FAM228B: variants seen among roughly 807,000 people sequenced by gnomAD.
FAM228B encodes the protein family with sequence similarity 228 member B.
FAM228B carries 38 observed loss-of-function variants against 42.6 expected under a neutral mutation model. The ratio of observed to expected loss-of-function variants is 0.89; its 90% confidence interval spans 0.69 to 1.17. FAM228B has a LOEUF of 1.17. Among genes scored for constraint, FAM228B ranks in the 50% most tolerant of loss-of-function variants. The pLI is 0.00. For synonymous variants in FAM228B, 109 were observed against 122.3 expected (o/e 0.89, Z 0.72); for missense variants, 344 against 367.3 (o/e 0.94, Z 0.52).
At position 24,080,899 on chromosome 2, in the gene FAM228B, A is replaced by G; in HGVS notation, c.-266A>G. 6.2e-7 allele frequency: 1 copy of G among 1,614,188 alleles called. No individual in the cohort carries two copies. Among genetic ancestry groups the G allele is most frequent in the Non-Finnish European group, 8.5e-7 (1 of 1,180,034 alleles). On this transcript the variant is annotated 5_prime_UTR_variant, in exon 2 of 11. Coordinates refer to the FAM228B transcript ENST00000613899. The surrounding 1 kb of genome is among the most constrained non-coding windows in gnomAD (Gnocchi z 4.7). ...AGCAGCTGCTCCAAGCTTTTCTGCCATTTGAAGCTTCTTCTGGGAGCCAGC... is the reference window on the plus strand; with the variant it reads ...AGCAGCTGCTCCAAGCTTTTCTGCCGTTTGAAGCTTCTTCTGGGAGCCAGC...
intron 7 of FAM228B, among the ~76,000 whole-genome samples, chr2:24,151,294 T>G (rs937918464): frequency 2.1e-5 from 3 of 146,036 alleles, no homozygotes; most frequent in South Asian, 2.2e-4. Context: ...TTGTTTTTTG[T>G]TTTTTTTTTT....
At chr2:24,100,236 A>G (rs12713195) in intron 3 of FAM228B, among the ~76,000 whole-genome samples, 18,078 of 152,236 alleles carry the variant, frequency 0.12, 1,239 homozygotes, top group South Asian at 0.18. Flanking sequence ...AAACACCAAA[A>G]GCAATGGCAA....
At chr2:24,079,564 A>T (rs760507767) in intron 1 of FAM228B, 1 of 1,614,046 alleles carries the variant, frequency 6.2e-7, no homozygotes, top group Admixed American at 1.7e-5. Flanking sequence ...CCCATCGACC[A>T]TCAAGAGCCA....
At chr2:24,117,315 T>C (rs1268684777) in intron 3 of FAM228B, among the ~76,000 whole-genome samples, 3 of 151,842 alleles carry the variant, frequency 2.0e-5, no homozygotes, top group Non-Finnish European at 4.4e-5. Flanking sequence ...TGCACAAACC[T>C]GATTAATTTG....
At chr2:24,118,035 C>A (rs184943709) in intron 3 of FAM228B, among the ~76,000 whole-genome samples, 1 of 152,298 alleles carries the variant, frequency 6.6e-6, no homozygotes, top group Admixed American at 6.5e-5. Flanking sequence ...GAATACTAAC[C>A]TTTAGTGCCA....
At chr2:24,122,673 G>T (rs989335628), upstream of FAM228B, 3 of 615,986 alleles carry the variant, frequency 4.9e-6, no homozygotes, top group Non-Finnish European at 8.6e-6. Context: ...AAAGGTACAG[G>T]GTGAAAACGG....
At chr2:24,121,300 C>A (rs188094111), upstream of FAM228B, 1,186 of 1,614,072 alleles carry the variant, frequency 7.3e-4, 8 homozygotes, top group Non-Finnish European at 1.4e-4. Flanking sequence ...CTGGGCGTTA[C>A]CTGGAGAGGT....
At chr2:24,089,272 G>A (rs1665332456) in intron 2 of FAM228B, among the ~76,000 whole-genome samples, 2 of 152,092 alleles carry the variant, frequency 1.3e-5, no homozygotes, top group African/African-American at 4.8e-5. Flanking sequence ...TGAATGAAAT[G>A]TATTGTGAGT....
chr2:24,102,564 C>T (rs1285098078), intron 3 of FAM228B, among the ~76,000 whole-genome samples: 4 of 152,074 alleles, frequency 2.6e-5, no homozygotes, highest in Non-Finnish European at 4.4e-5. Flanking sequence ...ATGGCAAAAC[C>T]CTGTCTCTAT....
In FAM228B at chr2:24,161,624, T is replaced by A. The variant is rs1395068056; in HGVS notation, c.794+11T>A. The A allele has an allele frequency of 2.8e-6, 4 of 1,428,368 alleles. No individual in the cohort carries two copies. The highest frequency in any genetic ancestry group is 3.9e-6 in the Non-Finnish European group (4 of 1,034,650). The allele number at this position is 1,428,368 out of a possible 1,614,324, so 88.5% of individuals were successfully genotyped here. A position where few individuals can be genotyped will look rare whatever the true frequency, so the allele number is the denominator to read the frequency against. On this transcript the variant is annotated intron_variant, in intron 8 of 10. Transcript: ENST00000615575. The stretch of plus-strand genomic sequence containing the variant: ...AACAGTTATTTACAAGTAAGTCTGT[T>A]CTTCCATAGCTTTGCTCTTCTTTTG...
chr2:24,131,260 G>T (rs945439192), intron 2 of FAM228B, among the ~76,000 whole-genome samples: 1 of 152,130 alleles, frequency 6.6e-6, no homozygotes, highest in Admixed American at 6.5e-5. Flanking sequence ...GTTAGGTAGC[G>T]TGATGCCTCC....
chr2:24,117,503 C>T (rs35059499), intron 3 of FAM228B, among the ~76,000 whole-genome samples: 18,024 of 150,934 alleles, frequency 0.12, 1,253 homozygotes, highest in South Asian at 0.18. Context: ...AGTGCAATGG[C>T]GCTATTTTGG....
At chr2:24,094,356 G>A (rs1050793242) in intron 2 of FAM228B, among the ~76,000 whole-genome samples, 9 of 152,096 alleles carry the variant, frequency 5.9e-5, no homozygotes. Flanking sequence ...ACAGGTGTGA[G>A]CCACTGTGCC....
At position 24,130,210 on chromosome 2, in the gene FAM228B, T is replaced by C. The variant is rs566415411; in HGVS notation, c.100-4909T>C. Among the ~76,000 whole-genome samples the C allele has an allele frequency of 2.6e-5, 4 of 152,372 alleles. No homozygotes were observed. In the East Asian group the frequency reaches 5.8e-4, roughly 22 times the overall value. The stretch of plus-strand genomic sequence containing the variant: ...TACATTTTCTTTATCCAGTCTATCA[T>C]TGATGGGCATTTGGGTTGGTTACAT... On this transcript the variant is annotated intron_variant, in intron 2 of 10. Coordinates refer to ENST00000615575, the MANE Select transcript of FAM228B (RefSeq NM_001145710.2).
chr2:24,083,836 C>T (rs957966630), intron 2 of FAM228B, among the ~76,000 whole-genome samples: 3 of 152,084 alleles, frequency 2.0e-5, no homozygotes, highest in Non-Finnish European at 2.9e-5. Context: ...CGGCCTTGGG[C>T]GTACTGCTTA....
At chr2:24,166,054 A>AAAAAAAAAAAAAT (rs56146407) in intron 9 of FAM228B, 1 of 81,030 alleles carries the variant, frequency 1.2e-5, no homozygotes, top group African/African-American at 4.0e-5. Context: ...AAAAAAAAAA[A>AAAAAAAAAAAAAT]ATATATATAT....
intron 3 of FAM228B, among the ~76,000 whole-genome samples, chr2:24,111,933 A>G (rs1036206224): frequency 2.6e-5 from 4 of 151,940 alleles, no homozygotes; most frequent in Non-Finnish European, 5.9e-5. Context: ...CAAAACAAAA[A>G]CTCCAGAGAG....
intron 9 of FAM228B, among the ~76,000 whole-genome samples, chr2:24,167,238 G>GC (rs1376243945): frequency 2.0e-5 from 3 of 152,218 alleles, no homozygotes; most frequent in Non-Finnish European, 4.4e-5. Flanking sequence ...AGCTGGCAGA[G>GC]CTCCCTTGTT....
intron 7 of FAM228B, among the ~76,000 whole-genome samples, chr2:24,160,044 AGT>A (rs1667252007): frequency 2.0e-5 from 3 of 147,722 alleles, no homozygotes; most frequent in African/African-American, 7.5e-5. Context: ...AGTGGAGTGC[AGT>A]GGCGTGACCT....
Sources: gnomAD v4.1 joint callset for allele counts (sites outside exome capture counted in the v4.1 genomes callset) on GRCh38, gnomAD v4.1.1 for gene constraint, Gnocchi (gnomAD v3.1) non-coding constraint, MANE v1.5 for transcripts, NCBI Gene and HGNC (gene_info 2026-07-23, HGNC 2026-07-21) for gene names.